RPGRIP1: variants seen among roughly 807,000 people sequenced by gnomAD.
The protein encoded by RPGRIP1 is X-linked retinitis pigmentosa GTPase regulator-interacting protein 1.
Under a neutral mutation model 157.9 loss-of-function variants are expected in RPGRIP1, and 128 were observed. That is an observed-to-expected ratio of 0.81 (90% CI 0.70 to 0.94). The LOEUF (loss-of-function observed/expected upper bound fraction) is 0.94. RPGRIP1 is among the 40% of genes least tolerant of loss of function. RPGRIP1 has a pLI of 0.00. For missense variants in RPGRIP1, 1,486 were observed against 1,545.8 expected (o/e 0.96, Z 0.65); for synonymous variants, 554 against 571.6 (o/e 0.97, Z 0.44).
chr14:21,293,619 C>T (rs563129328), intron 2 of RPGRIP1, among the ~76,000 whole-genome samples: 1 of 152,220 alleles, frequency 6.6e-6, no homozygotes, highest in South Asian at 2.1e-4. Context: ...TGGCTCACAC[C>T]TGTAATCCCA....
At chr14:21,301,335 C>A in intron 4 of RPGRIP1, 98 bp downstream of exon 4, 1 of 1,315,290 alleles carries the variant, frequency 7.6e-7, no homozygotes. Context: ...CCCACCACCC[C>A]ATTTTGTTCT....
At chr14:21,334,757 C>A in intron 21 of RPGRIP1, 52 bp downstream of exon 21, 1 of 1,233,090 alleles carries the variant, frequency 8.1e-7, no homozygotes, top group Non-Finnish European at 1.2e-6. Context: ...TAAATAATGA[C>A]AGTGGCCAGT....
intron 10 of RPGRIP1, among the ~76,000 whole-genome samples, chr14:21,314,165 C>A (rs1034668493): frequency 8.5e-5 from 13 of 152,126 alleles, no homozygotes; most frequent in African/African-American, 2.6e-4. Flanking sequence ...CCAGGCTGGT[C>A]TTGAACTCCC....
rs371679022 is a variant in RPGRIP1, at chr14:21,307,682, T to G, written c.801-49T>G. Reference sequence around the variant, plus strand: ...GGGCATAGTCAAGGAGAAAATGTCTTTAATTCTATCCATGTTCAGACAGAA... The same window carrying G: ...GGGCATAGTCAAGGAGAAAATGTCTGTAATTCTATCCATGTTCAGACAGAA... On this transcript the variant is annotated intron_variant, in intron 6 of 24. Transcript: ENST00000400017. The G allele has an allele frequency of 1.5e-5, 18 of 1,218,946 alleles. No individual in the cohort carries two copies. In the African/African-American group the frequency reaches 2.0e-4, roughly 13 times the overall value. The allele number at this position is 1,218,946 out of a possible 1,614,324, so 75.5% of individuals were successfully genotyped here.
chr14:21,336,418 C>T (rs1884371323), intron 21 of RPGRIP1, among the ~76,000 whole-genome samples: 1 of 152,066 alleles, frequency 6.6e-6, no homozygotes, highest in Non-Finnish European at 1.5e-5. Flanking sequence ...ATCTGAAGTC[C>T]TAAGTATTTG....
chr14:21,349,778 T>C (rs1240684144), intron 24 of RPGRIP1, among the ~76,000 whole-genome samples: 1 of 152,220 alleles, frequency 6.6e-6, no homozygotes, highest in East Asian at 1.9e-4. Flanking sequence ...AAATACATAA[T>C]ACATTTGATC....
Position 21,343,206 on chromosome 14 carries a change from A to G in RPGRIP1, c.3510A>G (p.Glu1170=), listed in dbSNP as rs1204803359. 6.2e-7 allele frequency: 1 copy of G among 1,612,662 alleles called. No individual in the cohort carries two copies. Among genetic ancestry groups the G allele is most frequent in the Non-Finnish European group, 8.5e-7 (1 of 1,179,346 alleles). ...VSLRKPRAGE[E]IHFHFSKVID... Reference sequence around the variant, plus strand: ...TAAGGAAGCCTAGGGCAGGAGAAGAAATCCACTTTCACTTTAGCAAGGGTG... The same window carrying G: ...TAAGGAAGCCTAGGGCAGGAGAAGAGATCCACTTTCACTTTAGCAAGGGTG... The change falls in exon 22 of 25, where the codon GAA becomes GAG. Residue 1170 remains glutamate (E), a synonymous_variant. Coordinates refer to ENST00000400017, the MANE Select transcript of RPGRIP1 (RefSeq NM_020366.4).
At chr14:21,315,974 GTTT>G (rs35698876) in intron 10 of RPGRIP1, among the ~76,000 whole-genome samples, 8 of 107,384 alleles carry the variant, frequency 7.4e-5, no homozygotes, top group Admixed American at 1.0e-4. Context: ...AATTTTTGTG[GTTT>G]TTTTTTTTTT....
intron 4 of RPGRIP1, among the ~76,000 whole-genome samples, chr14:21,301,528 T>C (rs1266605693): frequency 2.0e-5 from 3 of 151,990 alleles, no homozygotes; most frequent in East Asian, 3.9e-4. Context: ...AATACAAAAA[T>C]TAGCTGGGCA....
At position 21,327,703 on chromosome 14, in the gene RPGRIP1, C is replaced by A. The variant is rs761644947; in HGVS notation, c.2791C>A (p.Pro931Thr). Residue 931 changes from proline (P) to threonine (T), a missense_variant, in exon 18 of 25, where the codon CCC (proline) becomes ACC (threonine). Transcript: ENST00000400017. ...VQLDWKFPYI[P>T]PESFLKPEAQ... ...ACTGGATTGGAAGTTTCCCTACATA[C>A]CCCCTGAGAGCTTCCTGAAACCAGA... The A allele has an allele frequency of 1.2e-6, 2 of 1,613,764 alleles. No homozygotes were observed. The highest frequency in any genetic ancestry group is 2.2e-5 in the East Asian group (1 of 44,878).
intron 21 of RPGRIP1, among the ~76,000 whole-genome samples, chr14:21,338,626 T>C (rs61977496): frequency 0.14 from 21,966 of 152,218 alleles, 1,782 homozygotes; most frequent in Middle Eastern, 0.23. Context: ...ACAAAAAATA[T>C]TAGATTGAAC....
intron 23 of RPGRIP1, among the ~76,000 whole-genome samples, chr14:21,345,595 G>C (rs914761149): frequency 1.3e-5 from 2 of 151,906 alleles, no homozygotes; most frequent in African/African-American, 4.8e-5. Flanking sequence ...GTAGAGATAG[G>C]GTTTTGCCGT....
At chr14:21,283,492 G>T (rs570316790) in intron 1 of RPGRIP1, among the ~76,000 whole-genome samples, 48 of 152,088 alleles carry the variant, frequency 3.2e-4, no homozygotes, top group African/African-American at 1.1e-3. Flanking sequence ...TAGTAGAAAT[G>T]GGGTTTCGCC....
At chr14:21,288,157 A>G in intron 2 of RPGRIP1, 96 bp downstream of exon 2, 1 of 785,346 alleles carries the variant, frequency 1.3e-6, no homozygotes, top group Admixed American at 2.2e-5. Flanking sequence ...ATTTACTTTC[A>G]GCTCTTTTCT....
chr14:21,291,740 C>A (rs1880539475), intron 2 of RPGRIP1, among the ~76,000 whole-genome samples: 1 of 151,908 alleles, frequency 6.6e-6, no homozygotes, highest in Non-Finnish European at 1.5e-5. Flanking sequence ...CACCACCATG[C>A]CCAGATAATT....
At chr14:21,344,019 T>C (rs1409817453) in intron 22 of RPGRIP1, among the ~76,000 whole-genome samples, 1 of 151,492 alleles carries the variant, frequency 6.6e-6, no homozygotes, top group Admixed American at 6.6e-5. Context: ...CCACCATACC[T>C]GGCTTCTGAG....
chr14:21,302,174 C>T (rs145950883), intron 4 of RPGRIP1, among the ~76,000 whole-genome samples: 27 of 152,288 alleles, frequency 1.8e-4, no homozygotes, highest in African/African-American at 6.0e-4. Flanking sequence ...GCATAGCTGG[C>T]CACCTGTTAT....
At chr14:21,348,357 G>C in intron 24 of RPGRIP1, 55 bp downstream of exon 24, 1 of 1,347,076 alleles carries the variant, frequency 7.4e-7, no homozygotes, top group Non-Finnish European at 1.0e-6. Context: ...TCCTAATAGT[G>C]AATATATTTT....
chr14:21,303,200 A>C, intron 5 of RPGRIP1, 131 bp from the exon 6 acceptor site: 1 of 661,086 alleles, frequency 1.5e-6, no homozygotes. Flanking sequence ...TGACATTTGA[A>C]AGCTGTATTT....
Sources: allele counts gnomAD v4.1 joint callset (sites outside exome capture counted in the v4.1 genomes callset), GRCh38; gene constraint gnomAD v4.1.1; transcripts MANE v1.5; gene names NCBI Gene and HGNC (gene_info 2026-07-23, HGNC 2026-07-21).